Variants in TBC1D5 observed in about 807,000 individuals in gnomAD.
TBC1D5 encodes the protein TBC1 domain family member 5.
Under a neutral mutation model 100.3 loss-of-function variants are expected in TBC1D5, and 75 were observed. That is an observed-to-expected ratio of 0.75 (90% CI 0.62 to 0.91). The LOEUF is 0.91. Among genes scored for constraint, TBC1D5 ranks in the 40% least tolerant of loss-of-function variants. The pLI is 0.00. For synonymous variants in TBC1D5, 323 were observed against 325.6 expected, an observed-to-expected ratio of 0.99 and a Z score of 0.09; for missense variants, 910 against 942.4, an observed-to-expected ratio of 0.97 and a Z score of 0.45.
intron 4 of TBC1D5, among the ~76,000 whole-genome samples, chr3:17,408,050 G>A (rs931708734): frequency 2.6e-5 from 4 of 151,990 alleles, no homozygotes; most frequent in African/African-American, 9.7e-5. Context: ...TTAAGAGAAT[G>A]GACATGAGAG....
At chr3:17,626,055 G>A (rs1363617313) in intron 1 of TBC1D5, among the ~76,000 whole-genome samples, 1 of 151,980 alleles carries the variant, frequency 6.6e-6, no homozygotes, top group Admixed American at 6.5e-5. Context: ...AGCATTATGT[G>A]TATTTAGAAG....
intron 18 of TBC1D5, among the ~76,000 whole-genome samples, chr3:17,190,276 G>T (rs1188073917): frequency 2.6e-5 from 4 of 152,184 alleles, no homozygotes. Flanking sequence ...TGTACAGAAA[G>T]CCAAGAGAGG....
intron 1 of TBC1D5, among the ~76,000 whole-genome samples, chr3:17,667,412 C>T (rs919958702): frequency 2.0e-5 from 3 of 152,008 alleles, no homozygotes; most frequent in Non-Finnish European, 4.4e-5. Context: ...AACGCAATTA[C>T]TTTTGTTATA....
intron 13 of TBC1D5, among the ~76,000 whole-genome samples, chr3:17,366,275 G>C (rs115015742): frequency 4.6e-5 from 7 of 151,560 alleles, no homozygotes; most frequent in Non-Finnish European, 8.8e-5. Context: ...CTGAGTGACA[G>C]AGCGAGACCC....
intron 3 of TBC1D5, among the ~76,000 whole-genome samples, chr3:17,464,966 TAAAG>T (rs2095278194): frequency 6.6e-6 from 1 of 151,912 alleles, no homozygotes; most frequent in East Asian, 1.9e-4. Context: ...CCGCACTAGA[TAAAG>T]AAAAGCCTCT....
At chr3:17,532,877 G>T (rs919686548) in intron 2 of TBC1D5, among the ~76,000 whole-genome samples, 1 of 151,578 alleles carries the variant, frequency 6.6e-6, no homozygotes, top group Non-Finnish European at 1.5e-5. Context: ...AGGAGATATA[G>T]CGAATACTAA....
At chr3:17,702,481 A>G (rs1297210111) in intron 1 of TBC1D5, 1 of 152,186 alleles carries the variant, frequency 6.6e-6, no homozygotes, top group African/African-American at 2.4e-5. Context: ...GTAAAAGAAC[A>G]TAGTGAACGG....
intron 4 of TBC1D5, among the ~76,000 whole-genome samples, chr3:17,411,225 G>A (rs1346661845): frequency 6.6e-6 from 1 of 151,478 alleles, no homozygotes; most frequent in Non-Finnish European, 1.5e-5. Context: ...TTGCAATAAG[G>A]TATTTTTAAT....
chr3:17,169,867 G>A (rs1207544770), intron 19 of TBC1D5, among the ~76,000 whole-genome samples: 2 of 152,136 alleles, frequency 1.3e-5, no homozygotes, highest in Non-Finnish European at 2.9e-5. Context: ...ATGGTTTCGC[G>A]ATGAAACTGT....
chr3:17,541,433 A>C (rs956785830), intron 2 of TBC1D5, among the ~76,000 whole-genome samples: 2 of 152,036 alleles, frequency 1.3e-5, no homozygotes, highest in African/African-American at 4.8e-5. Context: ...TTAATTCCTA[A>C]GTATTTTTTT....
At chr3:17,247,863 T>C (rs1195306362) in intron 16 of TBC1D5, among the ~76,000 whole-genome samples, 1 of 152,208 alleles carries the variant, frequency 6.6e-6, no homozygotes, top group Non-Finnish European at 1.5e-5. Context: ...TACCCATCCG[T>C]AGGAACTCTC....
At chr3:17,568,536 A>G (rs2096606979) in intron 2 of TBC1D5, among the ~76,000 whole-genome samples, 4 of 151,548 alleles carry the variant, frequency 2.6e-5, no homozygotes, top group Admixed American at 2.6e-4. Flanking sequence ...GTCAATGACA[A>G]ATATATAAGT....
At chr3:17,178,330 G>A (rs1021700165) in intron 19 of TBC1D5, among the ~76,000 whole-genome samples, 3 of 152,102 alleles carry the variant, frequency 2.0e-5, no homozygotes, top group African/African-American at 7.2e-5. Flanking sequence ...CTCCCAAAGT[G>A]CTGGGATTAC....
intron 2 of TBC1D5, among the ~76,000 whole-genome samples, chr3:17,617,737 T>C (rs1044113006): frequency 6.6e-6 from 1 of 152,226 alleles, no homozygotes; most frequent in Non-Finnish European, 1.5e-5. Context: ...GCCATGGTTT[T>C]CAGCTCCATC....
intron 3 of TBC1D5, among the ~76,000 whole-genome samples, chr3:17,439,903 A>G (rs2094613670): frequency 6.6e-6 from 1 of 152,224 alleles, no homozygotes; most frequent in South Asian, 2.1e-4. Context: ...TATTCAAATT[A>G]TTCATTACCT....
At chr3:17,261,745 ACTC>A (rs1362478714) in intron 15 of TBC1D5, among the ~76,000 whole-genome samples, 4 of 150,366 alleles carry the variant, frequency 2.7e-5, no homozygotes, top group Non-Finnish European at 5.9e-5. Flanking sequence ...CTGGTCTTGA[ACTC>A]CTGGAATCAA....
chr3:17,397,206 T>C (rs1372108927), intron 8 of TBC1D5, among the ~76,000 whole-genome samples: 1 of 152,004 alleles, frequency 6.6e-6, no homozygotes, highest in African/African-American at 2.4e-5. Context: ...TATTAATGAA[T>C]CCAGAAAATA....
At chr3:17,275,617 G>C (rs945274713) in intron 15 of TBC1D5, among the ~76,000 whole-genome samples, 2 of 152,118 alleles carry the variant, frequency 1.3e-5, no homozygotes, top group African/African-American at 4.8e-5. Context: ...TATATCCCTT[G>C]TATGATTAAT....
chr3:17,351,939 C>T (rs1226720650), intron 13 of TBC1D5, among the ~76,000 whole-genome samples: 3 of 146,936 alleles, frequency 2.0e-5, no homozygotes, highest in Non-Finnish European at 3.0e-5. Context: ...GTTTTTTTTT[C>T]CCCCCAAAAA....
Sources: gnomAD v4.1 joint callset for allele counts (sites outside exome capture counted in the v4.1 genomes callset) on GRCh38, gnomAD v4.1.1 for gene constraint, MANE v1.5 for transcripts, NCBI Gene and HGNC (gene_info 2026-07-23, HGNC 2026-07-21) for gene names.